F2RL1: variants seen among roughly 807,000 people sequenced by gnomAD.
F2RL1 encodes proteinase-activated receptor 2.
A neutral mutation model predicts 21.7 loss-of-function variants in F2RL1; 16 were observed. The ratio of observed to expected loss-of-function variants is 0.74; its 90% CI spans 0.50 to 1.12. The LOEUF (loss-of-function observed/expected upper bound fraction) is 1.12, where lower values mean the gene tolerates loss of function less well. Ranked by LOEUF, F2RL1 falls within the 50% of genes most tolerant of loss-of-function variation. The probability of loss-of-function intolerance (pLI) is 0.00; values close to 1 mark genes in which losing one functional copy is unlikely to be tolerated. For synonymous variants in F2RL1, 181 were observed against 186.7 expected (o/e 0.97, Z 0.25); for missense variants, 432 against 477.8 (o/e 0.90, Z 0.89).
intron 1 of F2RL1, among the ~76,000 whole-genome samples, chr5:76,820,317 G>C (rs1750109213): frequency 6.6e-6 from 1 of 152,172 alleles, no homozygotes; most frequent in Non-Finnish European, 1.5e-5. Flanking sequence ...GGGTAGCAAA[G>C]GGAGCTTTTA....
At position 76,833,242 on chromosome 5, in the gene F2RL1, T is replaced by C. The variant is rs750890828; in HGVS notation, c.635T>C (p.Val212Ala). 1 of 1,613,730 alleles carries C rather than the reference T, an allele frequency of 6.2e-7. No individual in the cohort carries two copies. Among genetic ancestry groups the C allele is most frequent in the Admixed American group, 1.7e-5 (1 of 59,962 alleles). Residue 212 changes from valine to alanine, a missense_variant, in exon 2 of 2, where the codon GTG becomes GCG. Val to Ala is a moderately conservative substitution (Grantham distance 64, BLOSUM62 0). Coordinates refer to ENST00000296677, the MANE Select transcript of F2RL1 (RefSeq NM_005242.6). ...CTGGTCACCATTCCTTTGTATGTCG[T>C]GAAGCAGACCATCTTCATTCCTGCC... ...ILLVTIPLYV[V>A]KQTIFIPALN... is the part of the protein sequence containing the mutation.
rs763978521 is a variant in F2RL1, at chr5:76,833,766, T to C, written c.1159T>C (p.Ser387Pro). Residue 387 changes from serine (S) to proline (P), a missense_variant, in exon 2 of 2, where the codon TCT becomes CCT. By Grantham distance (74) the Ser-to-Pro change is moderately conservative. Coordinates refer to ENST00000296677, the MANE Select transcript of F2RL1 (RefSeq NM_005242.6). The stretch of plus-strand genomic sequence containing the variant: ...ACACTCCAGGAAATCCAGCTCTTAC[T>C]CTTCAAGTTCAACCACTGTTAAGAC... Reference protein sequence around the residue: ...KKHSRKSSSYSSSSTTVKTSY With the variant: ...KKHSRKSSSYPSSSTTVKTSY 6.2e-7 allele frequency: 1 copy of C among 1,614,058 alleles called. No individual in the cohort carries two copies. Among genetic ancestry groups the C allele is most frequent in the Non-Finnish European group, 8.5e-7 (1 of 1,180,022 alleles).
At position 76,832,848 on chromosome 5, in the gene F2RL1, G is replaced by A. The variant is rs1279943676; in HGVS notation, c.241G>A (p.Val81Ile). The stretch of plus-strand genomic sequence containing the variant: ...ACTGACCACTGTCTTCCTTCCAATT[G>A]TCTACACAATTGTGTTTGTGGTGGG... ...GKLTTVFLPI[V>I]YTIVFVVGLP... is the part of the protein sequence containing the mutation. The change falls in exon 2 of 2, where the codon GTC becomes ATC. Residue 81 changes from valine (V) to isoleucine (I), a missense_variant. Coordinates refer to ENST00000296677, the MANE Select transcript of F2RL1 (RefSeq NM_005242.6). 6.2e-7 allele frequency: 1 copy of A among 1,614,168 alleles called. No individual in the cohort carries two copies. The highest frequency in any genetic ancestry group is 8.5e-7 in the Non-Finnish European group (1 of 1,180,032).
At chr5:76,822,671 A>G (rs1172416806) in intron 1 of F2RL1, among the ~76,000 whole-genome samples, 1 of 152,170 alleles carries the variant, frequency 6.6e-6, no homozygotes, top group Non-Finnish European at 1.5e-5. Flanking sequence ...TAGCTTGGCA[A>G]GTGTTGAAGA....
chr5:76,831,074 C>T (rs977483213), intron 1 of F2RL1, among the ~76,000 whole-genome samples: 4 of 152,084 alleles, frequency 2.6e-5, no homozygotes, highest in Non-Finnish European at 5.9e-5. Flanking sequence ...TTCATGAATA[C>T]TTAGGGGCAG....
chr5:76,820,146 C>T (rs1750103588), intron 1 of F2RL1, among the ~76,000 whole-genome samples: 1 of 152,142 alleles, frequency 6.6e-6, no homozygotes. Context: ...TGCGCCCGGC[C>T]GTCGCGTTCC....
chr5:76,826,717 G>A (rs1489324739), intron 1 of F2RL1, among the ~76,000 whole-genome samples: 1 of 152,160 alleles, frequency 6.6e-6, no homozygotes, highest in East Asian at 1.9e-4. Context: ...TGTTGGCCAG[G>A]CTGGTCTTGA....
chr5:76,830,179 C>T (rs1750325843), intron 1 of F2RL1, among the ~76,000 whole-genome samples: 2 of 152,154 alleles, frequency 1.3e-5, no homozygotes, highest in South Asian at 2.1e-4. Flanking sequence ...GCATTCTTGG[C>T]CTGTTCCTTG....
rs756821736 is a variant in F2RL1 at position 76,833,085 on chromosome 5, T to C, written c.478T>C (p.Tyr160His). Residue 160 changes from tyrosine (Y) to histidine (H), a missense_variant, in exon 2 of 2, where the codon TAC becomes CAC. Tyr to His is a moderately conservative substitution (Grantham distance 83). Coordinates refer to ENST00000296677, the MANE Select transcript of F2RL1 (RefSeq NM_005242.6). ...TATTGGCTTTTTCTATGGCAACATGTACTGTTCCATTCTCTTCATGACCTG... is the reference window on the plus strand; with the variant it reads ...TATTGGCTTTTTCTATGGCAACATGCACTGTTCCATTCTCTTCATGACCTG... ...VLIGFFYGNM[Y>H]CSILFMTCLS... The C allele has an allele frequency of 1.9e-6, 3 of 1,614,250 alleles. No individual in the cohort carries two copies. The highest frequency in any genetic ancestry group is 1.7e-5 in the Admixed American group (1 of 60,028).
intron 1 of F2RL1, among the ~76,000 whole-genome samples, chr5:76,824,539 C>T (rs778800793): frequency 9.9e-5 from 15 of 151,382 alleles, no homozygotes; most frequent in Non-Finnish European, 1.9e-4. Flanking sequence ...ATGTTGGCCA[C>T]GCTGATCTCA....
At chr5:76,831,880 A>G (rs1393281423) in intron 1 of F2RL1, among the ~76,000 whole-genome samples, 3 of 152,062 alleles carry the variant, frequency 2.0e-5, no homozygotes, top group Non-Finnish European at 4.4e-5. Context: ...GTCATGTGAT[A>G]AGAATAGCTA....
At chr5:76,820,880 A>G (rs1333454783) in intron 1 of F2RL1, among the ~76,000 whole-genome samples, 3 of 152,230 alleles carry the variant, frequency 2.0e-5, no homozygotes, top group Non-Finnish European at 4.4e-5. Context: ...ATTCCCTTGC[A>G]AAGTAACTTT....
At position 76,830,511 on chromosome 5, in the gene F2RL1, C is replaced by T. The variant is rs532147781; in HGVS notation, c.83-2179C>T. 9.2e-5 allele frequency among the ~76,000 whole-genome samples: 14 copies of T among 152,206 alleles called. No homozygotes were observed. In the East Asian group the frequency reaches 1.2e-3, roughly 13 times the overall value. ...CAGGCTTGTCTTGAACTTCTGACCT[C>T]GTGATCCACCCACCTCAGCCTCCCA... On this transcript the variant is annotated intron_variant, in intron 1 of 1. Transcript: ENST00000296677.
intron 1 of F2RL1, among the ~76,000 whole-genome samples, chr5:76,823,405 G>A (rs1354898412): frequency 7.3e-6 from 1 of 136,332 alleles, no homozygotes; most frequent in Non-Finnish European, 1.5e-5. Context: ...GAGTCTCGCT[G>A]TGTCGCCCAG....
chr5:76,827,203 T>C (rs1750255416), intron 1 of F2RL1, among the ~76,000 whole-genome samples: 2 of 150,748 alleles, frequency 1.3e-5, no homozygotes, highest in Non-Finnish European at 3.0e-5. Context: ...CTGCTATGGC[T>C]GGGCGTGGTG....
chr5:76,822,834 G>C (rs2243015), intron 1 of F2RL1, among the ~76,000 whole-genome samples: 2 of 152,168 alleles, frequency 1.3e-5, no homozygotes, highest in African/African-American at 4.8e-5. Flanking sequence ...ATAGAGAAGA[G>C]AGGGTGAAAG....
At chr5:76,825,320 T>C (rs1464498318) in intron 1 of F2RL1, among the ~76,000 whole-genome samples, 3 of 152,130 alleles carry the variant, frequency 2.0e-5, no homozygotes, top group Non-Finnish European at 2.9e-5. Context: ...CTTTTTTCAA[T>C]TGACTGTATA....
At position 76,832,769 on chromosome 5, in the gene F2RL1, A is replaced by G. The variant is rs1750372437; in HGVS notation, c.162A>G (p.Thr54=). 1 of 1,614,140 alleles carries G rather than the reference A, an allele frequency of 6.2e-7. No individual in the cohort carries two copies. Among genetic ancestry groups the G allele is most frequent in the South Asian group, 1.1e-5 (1 of 91,090 alleles). Reference sequence around the variant, plus strand: ...CCCACGTCACTGGAAAAGGAGTTACAGTTGAAACAGTCTTTTCTGTGGATG... The same window carrying G: ...CCCACGTCACTGGAAAAGGAGTTACGGTTGAAACAGTCTTTTCTGTGGATG... ...GTSHVTGKGV[T]VETVFSVDEF... is the part of the protein sequence containing the mutation. Residue 54 remains threonine, a synonymous_variant, in exon 2 of 2, where the codon ACA becomes ACG. Transcript: ENST00000296677.
At chr5:76,821,247 G>A (rs1750129119) in intron 1 of F2RL1, among the ~76,000 whole-genome samples, 1 of 152,180 alleles carries the variant, frequency 6.6e-6, no homozygotes, top group South Asian at 2.1e-4. Flanking sequence ...CTTTACAATA[G>A]TAATTGATAA....
Sources: allele counts gnomAD v4.1 joint callset (sites outside exome capture counted in the v4.1 genomes callset), GRCh38; gene constraint gnomAD v4.1.1; transcripts MANE v1.5; gene names NCBI Gene and HGNC (gene_info 2026-07-23, HGNC 2026-07-21).